Variants in PRDM6 observed in about 807,000 individuals in gnomAD.
PRDM6 encodes the protein putative histone-lysine N-methyltransferase PRDM6.
A neutral mutation model predicts 60.8 loss-of-function variants in PRDM6; 25 were observed. The observed-to-expected ratio is 0.41, with a 90% CI of 0.30 to 0.57. The LOEUF (loss-of-function observed/expected upper bound fraction) is 0.57. Among genes scored for constraint, PRDM6 ranks in the 20% least tolerant of loss-of-function variants. The probability of loss-of-function intolerance (pLI) is 0.27; values close to 1 mark genes in which losing one functional copy is unlikely to be tolerated. For missense variants in PRDM6, 839 were observed against 821.3 expected, an observed-to-expected ratio of 1.02 and a Z score of -0.26; for synonymous variants, 407 against 357.4, an observed-to-expected ratio of 1.14 and a Z score of -1.57.
intron 6 of PRDM6, among the ~76,000 whole-genome samples, chr5:123,176,958 A>G (rs889779280): frequency 1.3e-5 from 2 of 152,174 alleles, no homozygotes; most frequent in African/African-American, 4.8e-5. Flanking sequence ...CTGAGTAATG[A>G]CAATTAATTG....
intron 5 of PRDM6, among the ~76,000 whole-genome samples, chr5:123,165,545 T>C (rs893877536): frequency 6.6e-6 from 1 of 152,236 alleles, no homozygotes; most frequent in Non-Finnish European, 1.5e-5. Context: ...AACCACTTGC[T>C]TATTTTATTG....
intron 5 of PRDM6, among the ~76,000 whole-genome samples, chr5:123,163,655 A>T (rs1419443069): frequency 6.6e-6 from 1 of 152,248 alleles, no homozygotes; most frequent in African/African-American, 2.4e-5. Flanking sequence ...GTGTCGACAG[A>T]TCACATCCGC....
Position 123,193,149 on chromosome 5 carries a change from G to C in PRDM6, c.*5948G>C, listed in dbSNP as rs202199866. 17 of 152,274 alleles carry C rather than the reference G, an allele frequency of 1.1e-4. No individual in the cohort carries two copies. In the East Asian group the frequency reaches 1.9e-3, roughly 17 times the overall value. 9.4% of individuals were successfully genotyped at this position (152,274 alleles called of 1,614,324 possible). ...ATTCTAATGGGCACATTTGTTTGTT[G>C]AAATGATAAATATATTTTCCTTGTC... is the stretch of plus-strand genomic sequence containing the variant. On this transcript the variant is annotated 3_prime_UTR_variant, in exon 8 of 8. Transcript: ENST00000407847.
rs1259425636 is a variant in PRDM6, at chr5:123,193,448, T to G, written c.*6247T>G. On this transcript the variant is annotated 3_prime_UTR_variant, in exon 8 of 8. Transcript: ENST00000407847. Reference sequence around the variant, plus strand: ...TGTTGATCCACATGTGGGCATTGTCTAATGTTAACAAAATCAGCACTTGTA... The same window carrying G: ...TGTTGATCCACATGTGGGCATTGTCGAATGTTAACAAAATCAGCACTTGTA... The G allele has an allele frequency of 6.6e-6, 1 of 152,234 alleles. No individual in the cohort carries two copies. Among genetic ancestry groups the G allele is most frequent in the African/African-American group, 2.4e-5 (1 of 41,468 alleles). The allele number at this position is 152,234 out of a possible 1,614,324, so 9.4% of individuals were successfully genotyped here. A position where few individuals can be genotyped will look rare whatever the true frequency, so the allele number is the denominator to read the frequency against.
At chr5:123,146,255 A>T (rs925714210) in intron 3 of PRDM6, among the ~76,000 whole-genome samples, 1 of 152,206 alleles carries the variant, frequency 6.6e-6, no homozygotes, top group African/African-American at 2.4e-5. Context: ...CCACTAGACT[A>T]TATAAACCAA....
chr5:123,123,931 G>T (rs933663219), intron 3 of PRDM6, among the ~76,000 whole-genome samples: 1 of 152,226 alleles, frequency 6.6e-6, no homozygotes, highest in Non-Finnish European at 1.5e-5. Flanking sequence ...GAGAGCTGGG[G>T]TATTTGAATA....
chr5:123,110,315 G>C (rs1580484599), intron 3 of PRDM6, among the ~76,000 whole-genome samples: 1 of 136,320 alleles, frequency 7.3e-6, no homozygotes, highest in East Asian at 2.1e-4. Flanking sequence ...CTGGAGTGCA[G>C]TGGCACAATC....
At chr5:123,103,243 A>G (rs1380465460) in intron 3 of PRDM6, among the ~76,000 whole-genome samples, 2 of 151,742 alleles carry the variant, frequency 1.3e-5, no homozygotes, top group South Asian at 2.1e-4. Flanking sequence ...TTTATTTTTT[A>G]TAGTTTAAGA....
Position 123,090,314 on chromosome 5 carries a change from C to CGCT in PRDM6, c.303_305dup (p.Ala104dup). ...CCGCCTCCTCCTGCGCTGCTGCGGC[C>CGCT]GCTGCCGCCGCGCTGGCTGGTCTCT... On this transcript the variant is annotated inframe_insertion, in exon 2 of 8. Transcript: ENST00000407847. 1 of 1,460,458 alleles carries CGCT rather than the reference C, an allele frequency of 6.8e-7. No individual in the cohort carries two copies. Among genetic ancestry groups the CGCT allele is most frequent in the African/African-American group, 1.5e-5 (1 of 67,130 alleles). The allele number at this position is 1,460,458 out of a possible 1,614,324, so 90.5% of individuals were successfully genotyped here.
In PRDM6 at chr5:123,159,654, A is replaced by C; in HGVS notation, c.1153+16A>C. Reference sequence around the variant, plus strand: ...GATGAAAACTGTAAGAATTTATTTTAGCTCTGAATTCACATTTCAATATAC... The same window carrying C: ...GATGAAAACTGTAAGAATTTATTTTCGCTCTGAATTCACATTTCAATATAC... On this transcript the variant is annotated intron_variant, in intron 5 of 7. Coordinates refer to ENST00000407847, the MANE Select transcript of PRDM6 (RefSeq NM_001136239.4). 6.5e-7 allele frequency: 1 copy of C among 1,549,882 alleles called. No homozygotes were observed. The highest frequency in any genetic ancestry group is 8.7e-7 in the Non-Finnish European group (1 of 1,146,090).
intron 3 of PRDM6, among the ~76,000 whole-genome samples, chr5:123,141,539 A>G (rs1007784706): frequency 2.6e-5 from 4 of 152,070 alleles, no homozygotes; most frequent in South Asian, 2.1e-4. Context: ...TGCTTACTCT[A>G]TAGAGTTATT....
intron 3 of PRDM6, among the ~76,000 whole-genome samples, chr5:123,138,779 C>A (rs1048206083): frequency 6.6e-6 from 1 of 152,190 alleles, no homozygotes; most frequent in Non-Finnish European, 1.5e-5. Context: ...TAGAAAGAAG[C>A]TATTGGAAAT....
At chr5:123,089,972 C>T (rs566020997) in intron 1 of PRDM6, 28 bp from the exon 2 acceptor site, 97 of 1,487,786 alleles carry the variant, frequency 6.5e-5, no homozygotes, top group Non-Finnish European at 8.7e-5. Flanking sequence ...AGCTCACGCG[C>T]CCCCTCTTCC....
chr5:123,090,567 A>T lies in PRDM6; in HGVS notation c.553A>T (p.Ile185Phe). The change falls in exon 2 of 8, where the codon ATC (isoleucine) becomes TTC (phenylalanine). Residue 185 changes from isoleucine to phenylalanine, a missense_variant. Around this residue, in one of 2 missense-constraint regions of PRDM6, gnomAD observed 730 missense variants for 648.8 expected, o/e 1.13. Coordinates refer to ENST00000407847, the MANE Select transcript of PRDM6 (RefSeq NM_001136239.4). ...CCTGTATGGCCAGCAGCGCATGGAGATCATCCCGCTCAACCAGCACACCAG... is the reference window on the plus strand; with the variant it reads ...CCTGTATGGCCAGCAGCGCATGGAGTTCATCCCGCTCAACCAGCACACCAG... ...YYLYGQQRME[I>F]IPLNQHTSDP... is the part of the protein sequence containing the mutation. 1 of 1,525,508 alleles carries T rather than the reference A, an allele frequency of 6.6e-7. No individual in the cohort carries two copies. Among genetic ancestry groups the T allele is most frequent in the Non-Finnish European group, 8.7e-7 (1 of 1,143,634 alleles). The allele number at this position is 1,525,508 out of a possible 1,614,324, so 94.5% of individuals were successfully genotyped here. A position where few individuals can be genotyped will look rare whatever the true frequency, so the allele number is the denominator to read the frequency against.
intron 3 of PRDM6, among the ~76,000 whole-genome samples, chr5:123,110,529 G>A (rs1222559760): frequency 6.7e-6 from 1 of 150,170 alleles, no homozygotes; most frequent in African/African-American, 2.4e-5. Context: ...TGGGATTACA[G>A]GCGTGAGCCA....
At chr5:123,159,476 A>G (rs1561864715) in intron 4 of PRDM6, 38 bp from the exon 5 acceptor site, 7 of 1,547,760 alleles carry the variant, frequency 4.5e-6, no homozygotes, top group Non-Finnish European at 6.1e-6. Context: ...CATGAGTCCT[A>G]TGTATTACTA....
chr5:123,183,600 T>C (rs1010996754), intron 7 of PRDM6, among the ~76,000 whole-genome samples: 1 of 152,112 alleles, frequency 6.6e-6, no homozygotes, highest in African/African-American at 2.4e-5. Context: ...AAGGAGCATG[T>C]ACGAAAAATA....
At chr5:123,095,275 T>G (rs1763930995) in intron 2 of PRDM6, among the ~76,000 whole-genome samples, 1 of 152,206 alleles carries the variant, frequency 6.6e-6, no homozygotes, top group African/African-American at 2.4e-5. Flanking sequence ...AGAGAGCCTT[T>G]CGTGGGCAGG....
chr5:123,090,502 C>T lies in PRDM6; in HGVS notation c.488C>T (p.Ala163Val), dbSNP rs1463493554. 2 of 1,490,168 alleles carry T rather than the reference C, an allele frequency of 1.3e-6. No homozygotes were observed. The highest frequency in any genetic ancestry group is 5.8e-5 in the East Asian group (2 of 34,326). 92.3% of individuals were successfully genotyped at this position (1,490,168 alleles called of 1,614,324 possible). The change falls in exon 2 of 8, where the codon GCC (alanine) becomes GTC (valine). Residue 163 changes from alanine to valine, a missense_variant. Coordinates refer to ENST00000407847, the MANE Select transcript of PRDM6 (RefSeq NM_001136239.4). ...GGGGGGEGRG[A>V]PRFRCSAEEL... is the part of the protein sequence containing the mutation. ...GGCGGCGGCGGGGAGGGTCGCGGCG[C>T]CCCGCGCTTCCGCTGCAGCGCAGAG...
Sources: allele counts gnomAD v4.1 joint callset (sites outside exome capture counted in the v4.1 genomes callset), GRCh38; gene constraint gnomAD v4.1.1; regional missense constraint gnomAD v4.1.1; transcripts MANE v1.5; gene names NCBI Gene and HGNC (gene_info 2026-07-23, HGNC 2026-07-21).